The following SPPL3 variants were observed in gnomAD, a reference collection of about 807,000 sequenced individuals.
The protein encoded by SPPL3 is signal peptide peptidase-like 3.
SPPL3 carries 5 observed loss-of-function variants against 42.4 expected under a neutral mutation model. The ratio of observed to expected loss-of-function variants is 0.12; its 90% confidence interval spans 0.06 to 0.25. The LOEUF (loss-of-function observed/expected upper bound fraction) is 0.25, where lower values mean the gene tolerates loss of function less well. Among genes scored for constraint, SPPL3 ranks in the 10% least tolerant of loss-of-function variants. The probability of loss-of-function intolerance (pLI) is 1.00; values close to 1 mark genes in which losing one functional copy is unlikely to be tolerated. For synonymous variants in SPPL3, 195 were observed against 181.8 expected (o/e 1.07, Z -0.58); for missense variants, 235 against 489.0 (o/e 0.48, Z 4.90).
At chr12:120,861,127 A>G (rs908655264) in intron 1 of SPPL3, among the ~76,000 whole-genome samples, 2 of 152,116 alleles carry the variant, frequency 1.3e-5, no homozygotes, top group Admixed American at 6.6e-5. Context: ...TCTCCCTCAA[A>G]TATTTTTTAT....
chr12:120,791,252 CTTCAAA>C (rs1006774274), intron 3 of SPPL3, among the ~76,000 whole-genome samples: 1 of 152,180 alleles, frequency 6.6e-6, no homozygotes, highest in African/African-American at 2.4e-5. Context: ...AATCAAGTCA[CTTCAAA>C]TTCAAATCTT....
chr12:120,848,502 A>C (rs1872117832), intron 1 of SPPL3, among the ~76,000 whole-genome samples: 1 of 152,216 alleles, frequency 6.6e-6, no homozygotes, highest in Non-Finnish European at 1.5e-5. Flanking sequence ...TCATTAACAG[A>C]ATGGCAAGGA....
At chr12:120,880,798 A>C (rs1273067656) in intron 1 of SPPL3, among the ~76,000 whole-genome samples, 1 of 151,916 alleles carries the variant, frequency 6.6e-6, no homozygotes, top group Admixed American at 6.6e-5. Context: ...GGGGAAAAAA[A>C]AATTATTTGC....
In SPPL3 at chr12:120,763,362, C is replaced by G. The variant is rs1307481926; in HGVS notation, c.*1637G>C. ...CAACAGGATGGGTGCCCCCTGTGAG[C>G]TCGATCCACAGTGACTTCAAGCCAC... On this transcript the variant is annotated 3_prime_UTR_variant, in exon 11 of 11. Transcript: ENST00000353487. The G allele has an allele frequency of 6.5e-6, 1 of 152,724 alleles. No homozygotes were observed. The highest frequency in any genetic ancestry group is 1.5e-5 in the Non-Finnish European group (1 of 68,112). The allele number at this position is 152,724 out of a possible 1,614,324, so 9.5% of individuals were successfully genotyped here.
At chr12:120,815,131 A>G (rs553238047) in intron 1 of SPPL3, among the ~76,000 whole-genome samples, 1 of 152,352 alleles carries the variant, frequency 6.6e-6, no homozygotes, top group African/African-American at 2.4e-5. Flanking sequence ...ACCTGTTTGT[A>G]TAACATTCCT....
intron 7 of SPPL3, 180 bp downstream of exon 7, chr12:120,768,773 C>A: frequency 1.5e-6 from 1 of 648,656 alleles, no homozygotes; most frequent in South Asian, 2.0e-5. Context: ...ACCTACTGTA[C>A]GACTTTTCAG....
intron 1 of SPPL3, among the ~76,000 whole-genome samples, chr12:120,898,252 C>T (rs1207144674): frequency 7.1e-6 from 1 of 140,188 alleles, no homozygotes; most frequent in Non-Finnish European, 1.5e-5. Flanking sequence ...TGCAGTGAGT[C>T]GAGATCGTGC....
intron 1 of SPPL3, 165 bp from the exon 2 acceptor site, chr12:120,811,051 G>A: frequency 2.0e-6 from 1 of 488,098 alleles, no homozygotes; most frequent in Non-Finnish European, 3.6e-6. Context: ...AATGAGATTT[G>A]CTAGTTTAAC....
chr12:120,767,714 T>G, intron 8 of SPPL3, 121 bp from the exon 9 acceptor site: 6 of 958,530 alleles, frequency 6.3e-6, no homozygotes, highest in Non-Finnish European at 9.3e-6. Context: ...CAGATGGAAA[T>G]CTCTTCTGAT....
chr12:120,779,820 CAAAAAAAAAAA>C (rs1164272443), intron 6 of SPPL3, among the ~76,000 whole-genome samples: 19 of 42,784 alleles, frequency 4.4e-4, no homozygotes, highest in Admixed American at 2.2e-3. Flanking sequence ...ACTAAAAATA[CAAAAAAAAAAA>C]AAAAAAAAAA....
rs549037904 is a variant in SPPL3, at chr12:120,853,018, C to T, written c.24-42132G>A. ...CAAGCGATTCTCCTGCCTCAGCCTC[C>T]CGAGTAGCTGGGATTACAGGCACCC... On this transcript the variant is annotated intron_variant, in intron 1 of 10. Transcript: ENST00000353487. 2.6e-3 allele frequency among the ~76,000 whole-genome samples: 398 copies of T among 151,560 alleles called. 4 individuals are homozygous for T. Among genetic ancestry groups the T allele is most frequent in the African/African-American group, 9.4e-3 (390 of 41,332 alleles).
intron 1 of SPPL3, among the ~76,000 whole-genome samples, chr12:120,848,557 GTCTA>G (rs1299490730): frequency 2.0e-5 from 3 of 152,160 alleles, no homozygotes; most frequent in South Asian, 2.1e-4. Context: ...GAAAGTGCTA[GTCTA>G]TCTAACAAGT....
rs375787427 is a variant in SPPL3 at position 120,839,059 on chromosome 12, G to T, written c.24-28173C>A. ...CGCTGCTATAAAGACACATGCACAC[G>T]TATGTTTATTGTGGCACTCTTCACA... On this transcript the variant is annotated intron_variant, in intron 1 of 10. Transcript: ENST00000353487. Among the ~76,000 whole-genome samples, 8 of 152,054 alleles carry T rather than the reference G, an allele frequency of 5.3e-5. No individual in the cohort carries two copies. In the South Asian group the frequency reaches 1.5e-3, roughly 28 times the overall value.
chr12:120,769,368 T>C (rs546157620), intron 6 of SPPL3: 222 of 251,872 alleles, frequency 8.8e-4, no homozygotes, highest in Non-Finnish European at 1.5e-3. Context: ...TGTGGATGTG[T>C]TGTCCTTGCT....
intron 1 of SPPL3, among the ~76,000 whole-genome samples, chr12:120,896,810 ACTT>A (rs1265572953): frequency 2.0e-5 from 3 of 152,144 alleles, no homozygotes; most frequent in South Asian, 4.1e-4. Context: ...AGTTGCAAAC[ACTT>A]CTTAATTTAT....
intron 1 of SPPL3, among the ~76,000 whole-genome samples, chr12:120,843,665 T>C (rs1871912717): frequency 6.6e-6 from 1 of 152,142 alleles, no homozygotes; most frequent in Admixed American, 6.5e-5. Context: ...AAAACATTTG[T>C]TCTCAGGCCA....
At chr12:120,766,002 C>T (rs560591199) in intron 10 of SPPL3, among the ~76,000 whole-genome samples, 1 of 152,180 alleles carries the variant, frequency 6.6e-6, no homozygotes, top group African/African-American at 2.4e-5. Context: ...ATTAGTTATT[C>T]CTCGACCAGG....
intron 1 of SPPL3, among the ~76,000 whole-genome samples, chr12:120,894,879 G>A (rs1295863169): frequency 6.6e-6 from 1 of 151,840 alleles, no homozygotes; most frequent in African/African-American, 2.4e-5. Context: ...CCCGGGAGGT[G>A]GAGGCTGCAG....
At chr12:120,847,831 T>G (rs1872094126) in intron 1 of SPPL3, among the ~76,000 whole-genome samples, 1 of 152,188 alleles carries the variant, frequency 6.6e-6, no homozygotes, top group African/African-American at 2.4e-5. Context: ...TCTGTTCTCC[T>G]GTACCTGAGT....
Sources: gnomAD v4.1 joint callset for allele counts (sites outside exome capture counted in the v4.1 genomes callset) on GRCh38, gnomAD v4.1.1 for gene constraint, MANE v1.5 for transcripts, NCBI Gene and HGNC (gene_info 2026-07-23, HGNC 2026-07-21) for gene names.